The following EMC2 variants were observed in gnomAD, a reference collection of about 807,000 sequenced individuals.
The protein encoded by EMC2 is TPR repeat protein 35.
In EMC2, 37 loss-of-function variants were observed where a neutral mutation model predicts 51.6. The ratio of observed to expected loss-of-function variants is 0.72; its 90% CI spans 0.55 to 0.94. The LOEUF is 0.94. EMC2 is among the 40% of genes least tolerant of loss of function. EMC2 has a pLI of 0.00. For missense variants in EMC2, 359 were observed against 350.9 expected (o/e 1.02, Z -0.18); for synonymous variants, 131 against 112.4 (o/e 1.17, Z -1.04).
chr8:108,462,408 G>A (rs1819352242), intron 5 of EMC2, among the ~76,000 whole-genome samples: 1 of 152,140 alleles, frequency 6.6e-6, no homozygotes, highest in Non-Finnish European at 1.5e-5. Flanking sequence ...TCCCCTTGGT[G>A]AACTTGGTGA....
intron 1 of EMC2, 55 bp downstream of exon 1, chr8:108,443,753 G>C: frequency 2.0e-6 from 3 of 1,488,046 alleles, no homozygotes; most frequent in African/African-American, 1.4e-5. Flanking sequence ...GAAGCCGTTC[G>C]GGAGTACCCG....
rs1818984469 is a variant in EMC2, at chr8:108,450,275, G to A, written c.155-153G>A. Among the ~76,000 whole-genome samples the A allele has an allele frequency of 2.0e-5, 3 of 152,132 alleles. No individual in the cohort carries two copies. In the South Asian group the frequency reaches 6.2e-4, roughly 31 times the overall value. On this transcript the variant is annotated intron_variant, in intron 2 of 10. Coordinates refer to ENST00000220853, the MANE Select transcript of EMC2 (RefSeq NM_014673.5). ...TATTTTACACTGCTGAAACATGTAA[G>A]AATGCATTCTTAGTTTCAGAGATAA...
At chr8:108,466,442 A>ATTTTTTTTT (rs869102478) in intron 5 of EMC2, among the ~76,000 whole-genome samples, 30 of 91,062 alleles carry the variant, frequency 3.3e-4, no homozygotes, top group African/African-American at 7.1e-4. Context: ...CTATGATAGA[A>ATTTTTTTTT]TTTTTTTTTT....
chr8:108,451,883 A>C lies in EMC2; in HGVS notation c.220-1179A>C, dbSNP rs113271239. ...TATGATTTTGCTTGATATCAAAGAA[A>C]TAAATGAACATATCTTCACTTTTGA... On this transcript the variant is annotated intron_variant, in intron 3 of 10. Transcript: ENST00000220853. 3.9e-3 allele frequency among the ~76,000 whole-genome samples: 592 copies of C among 152,350 alleles called. 5 individuals carry two copies. Among genetic ancestry groups the C allele is most frequent in the African/African-American group, 0.014 (563 of 41,588 alleles).
intron 7 of EMC2, among the ~76,000 whole-genome samples, chr8:108,470,398 A>T (rs1450668510): frequency 6.6e-6 from 1 of 152,212 alleles, no homozygotes; most frequent in Non-Finnish European, 1.5e-5. Flanking sequence ...CTTTGGAAAT[A>T]AAAAGGCCTG....
intron 10 of EMC2, among the ~76,000 whole-genome samples, chr8:108,479,930 G>T (rs373300405): frequency 1.3e-5 from 2 of 152,040 alleles, no homozygotes; most frequent in Non-Finnish European, 2.9e-5. Context: ...AAATGTTGCC[G>T]TCAGGAAATA....
At chr8:108,486,426 GT>G (rs1303236965) in intron 10 of EMC2, 85 bp from the exon 11 acceptor site, 1 of 1,407,892 alleles carries the variant, frequency 7.1e-7, no homozygotes, top group Non-Finnish European at 9.3e-7. Context: ...TCAATGTTAA[GT>G]TTCATTAACA....
chr8:108,488,479 A>G lies in EMC2; in HGVS notation c.*1881A>G, dbSNP rs561016313. On this transcript the variant is annotated 3_prime_UTR_variant, in exon 11 of 11. Transcript: ENST00000220853. The stretch of plus-strand genomic sequence containing the variant: ...CTGGCCAGTATCACTTTATTTTTTC[A>G]AAATTTTAATAACTTCTTTCCAAGA... Among the ~76,000 whole-genome samples the G allele has an allele frequency of 3.9e-4, 60 of 152,222 alleles. No homozygotes were observed. The highest frequency in any genetic ancestry group is 1.4e-3 in the African/African-American group (57 of 41,548).
Position 108,486,610 on chromosome 8 carries a change from C to T in EMC2, c.*12C>T, listed in dbSNP as rs368777392. ...TCACCCAGTCTTAAGGTTTCAAAAACTCTTTGACATTAGATTTCACAACTG... is the reference window on the plus strand; with the variant it reads ...TCACCCAGTCTTAAGGTTTCAAAAATTCTTTGACATTAGATTTCACAACTG... On this transcript the variant is annotated 3_prime_UTR_variant, in exon 11 of 11. Coordinates refer to ENST00000220853, the MANE Select transcript of EMC2 (RefSeq NM_014673.5). 1.3e-6 allele frequency: 2 copies of T among 1,569,504 alleles called. No homozygotes were observed. Among genetic ancestry groups the T allele is most frequent in the Admixed American group, 3.7e-5 (2 of 54,160 alleles).
intron 10 of EMC2, among the ~76,000 whole-genome samples, chr8:108,484,772 T>C (rs903033345): frequency 2.0e-5 from 3 of 151,978 alleles, no homozygotes; most frequent in Admixed American, 1.3e-4. Flanking sequence ...AAAAGCTTTC[T>C]GTTTCTGGTA....
At chr8:108,470,441 C>CA (rs1434346515) in intron 7 of EMC2, among the ~76,000 whole-genome samples, 1 of 152,070 alleles carries the variant, frequency 6.6e-6, no homozygotes, top group South Asian at 2.1e-4. Flanking sequence ...TTTGGTAAAT[C>CA]AAAATTGTGA....
At chr8:108,472,910 TACA>T (rs1360907550) in intron 7 of EMC2, among the ~76,000 whole-genome samples, 2 of 152,018 alleles carry the variant, frequency 1.3e-5, no homozygotes, top group Admixed American at 6.6e-5. Flanking sequence ...AGACAGAGTC[TACA>T]ACATTTCCCA....
chr8:108,464,784 C>G (rs1426552231), intron 5 of EMC2, among the ~76,000 whole-genome samples: 1 of 152,216 alleles, frequency 6.6e-6, no homozygotes, highest in Non-Finnish European at 1.5e-5. Context: ...GCTGAATACA[C>G]CCGAGTGCAC....
rs773195289 is a variant in EMC2, at chr8:108,443,670, C to G, written c.12C>G (p.Val4=). Residue 4 remains valine (V), a synonymous_variant, in exon 1 of 11, where the codon GTC becomes GTG. Transcript: ENST00000220853. MAK[V]SELYDVTWEE... Reference sequence around the variant, plus strand: ...TAGGTTCTGGGAAGATGGCGAAGGTCTCAGAGCTTTACGATGTCACTTGGG... The same window carrying G: ...TAGGTTCTGGGAAGATGGCGAAGGTGTCAGAGCTTTACGATGTCACTTGGG... 1 of 1,609,844 alleles carries G rather than the reference C, an allele frequency of 6.2e-7. No homozygotes were observed. The highest frequency in any genetic ancestry group is 1.7e-5 in the Admixed American group (1 of 59,556).
intron 1 of EMC2, among the ~76,000 whole-genome samples, chr8:108,448,321 C>T (rs996912330): frequency 2.6e-5 from 4 of 152,066 alleles, no homozygotes; most frequent in Non-Finnish European, 4.4e-5. Context: ...GTATCAAGTC[C>T]ATGTTCTTTC....
intron 7 of EMC2, among the ~76,000 whole-genome samples, chr8:108,473,370 T>C (rs180788074): frequency 3.9e-4 from 59 of 152,152 alleles, no homozygotes; most frequent in African/African-American, 1.4e-3. Context: ...TCAAAGGAAA[T>C]GCTCATTGGA....
At chr8:108,461,754 T>C (rs1819326860) in intron 5 of EMC2, among the ~76,000 whole-genome samples, 1 of 152,070 alleles carries the variant, frequency 6.6e-6, no homozygotes, top group Non-Finnish European at 1.5e-5. Context: ...TTGTGGACAA[T>C]ATAAAATGAT....
At chr8:108,473,552 T>C (rs928794829) in intron 7 of EMC2, among the ~76,000 whole-genome samples, 1 of 152,062 alleles carries the variant, frequency 6.6e-6, no homozygotes, top group African/African-American at 2.4e-5. Flanking sequence ...AGACAAATTT[T>C]TTTACTTCAT....
chr8:108,472,091 A>G lies in EMC2; in HGVS notation c.509+1970A>G, dbSNP rs368660076. The stretch of plus-strand genomic sequence containing the variant: ...TTAAATACTGACTTCTTAAAATTAT[A>G]GAAACTTTACATTTTTAGAAAATCA... On this transcript the variant is annotated intron_variant, in intron 7 of 10. Transcript: ENST00000220853. Among the ~76,000 whole-genome samples, 17 of 152,156 alleles carry G rather than the reference A, an allele frequency of 1.1e-4. No individual in the cohort carries two copies. The East Asian group carries it at 2.9e-3, about 26-fold the overall frequency.
Sources: allele counts gnomAD v4.1 joint callset (sites outside exome capture counted in the v4.1 genomes callset), GRCh38; gene constraint gnomAD v4.1.1; transcripts MANE v1.5; gene names NCBI Gene and HGNC (gene_info 2026-07-23, HGNC 2026-07-21).